The following ATP8A1 variants were observed in gnomAD, a reference collection of about 807,000 sequenced individuals.
ATP8A1 encodes the protein phospholipid-transporting ATPase IA.
ATP8A1 carries 90 observed loss-of-function variants against 177.7 expected under a neutral mutation model. That is an observed-to-expected ratio of 0.51 (90% CI 0.43 to 0.60). The LOEUF (loss-of-function observed/expected upper bound fraction) is 0.60. ATP8A1 is among the 20% of genes least tolerant of loss of function. The pLI, the probability that ATP8A1 is intolerant of heterozygous loss-of-function variation, is 0.00. For missense variants in ATP8A1, 1,072 were observed against 1,392.8 expected, an observed-to-expected ratio of 0.77 and a Z score of 3.67; for synonymous variants, 493 against 485.9, an observed-to-expected ratio of 1.01 and a Z score of -0.19.
At chr4:42,611,299 T>C (rs774625211) in intron 5 of ATP8A1, among the ~76,000 whole-genome samples, 11 of 152,228 alleles carry the variant, frequency 7.2e-5, no homozygotes, top group Non-Finnish European at 1.2e-4. Context: ...GCTATGTGTC[T>C]AGTTTAAAAG....
intron 33 of ATP8A1, among the ~76,000 whole-genome samples, chr4:42,441,246 A>G (rs1716609990): frequency 6.6e-6 from 1 of 152,180 alleles, no homozygotes; most frequent in South Asian, 2.1e-4. Flanking sequence ...TATTGCTATG[A>G]AAGTTAACAG....
intron 20 of ATP8A1, among the ~76,000 whole-genome samples, chr4:42,527,716 G>C (rs1342603234): frequency 6.6e-6 from 1 of 152,168 alleles, no homozygotes. Context: ...AATTGCCTGA[G>C]TTTTCAAATT....
intron 22 of ATP8A1, 117 bp downstream of exon 22, chr4:42,522,043 T>C: frequency 8.7e-7 from 1 of 1,154,122 alleles, no homozygotes; most frequent in Non-Finnish European, 1.2e-6. Context: ...GAGAGGGTAT[T>C]CAATAGTGAA....
At chr4:42,624,501 A>ATATAAAT (rs1737832685) in intron 4 of ATP8A1, 35 bp downstream of exon 4, 2 of 1,150,036 alleles carry the variant, frequency 1.7e-6, no homozygotes, top group Non-Finnish European at 2.4e-6. Context: ...TAAATAACAA[A>ATATAAAT]GTCACATACA....
At chr4:42,595,919 C>A (rs1039941062) in intron 6 of ATP8A1, among the ~76,000 whole-genome samples, 10 of 152,200 alleles carry the variant, frequency 6.6e-5, no homozygotes, top group African/African-American at 1.9e-4. Flanking sequence ...TTATATGGTA[C>A]CCCAGTGGCC....
At chr4:42,636,704 G>A (rs191360045) in intron 1 of ATP8A1, among the ~76,000 whole-genome samples, 42 of 152,164 alleles carry the variant, frequency 2.8e-4, no homozygotes, top group Admixed American at 2.4e-3. Flanking sequence ...TTCCAGCTCG[G>A]CATCTGCTTC....
intron 9 of ATP8A1, among the ~76,000 whole-genome samples, chr4:42,585,303 ACTT>A (rs1398568747): frequency 2.6e-5 from 4 of 151,574 alleles, no homozygotes; most frequent in Non-Finnish European, 4.4e-5. Flanking sequence ...CATAGTATAA[ACTT>A]CTTATTTATC....
chr4:42,492,777 T>G (rs1030703498), intron 24 of ATP8A1, among the ~76,000 whole-genome samples: 1 of 152,232 alleles, frequency 6.6e-6, no homozygotes, highest in Non-Finnish European at 1.5e-5. Flanking sequence ...AATAAGCATA[T>G]GATCGGAACT....
At chr4:42,542,081 T>C (rs1728445085) in intron 20 of ATP8A1, among the ~76,000 whole-genome samples, 1 of 131,676 alleles carries the variant, frequency 7.6e-6, no homozygotes, top group Non-Finnish European at 1.7e-5. Context: ...TGTACCACTC[T>C]GGTGGGGGAT....
At position 42,621,894 on chromosome 4, in the gene ATP8A1, T is replaced by C. The variant is rs536423377; in HGVS notation, c.363+2642A>G. ...TAGTAGGAGAACACACATAGACCAA[T>C]GGAACAGAATAGAGAACCCAGAAAT... On this transcript the variant is annotated intron_variant, in intron 4 of 36. Transcript: ENST00000381668. Among the ~76,000 whole-genome samples the C allele has an allele frequency of 2.6e-5, 4 of 152,074 alleles. 1 individual carries two copies. The highest frequency in any genetic ancestry group is 9.7e-5 in the African/African-American group (4 of 41,440).
chr4:42,564,446 A>C (rs2153216487), intron 15 of ATP8A1, among the ~76,000 whole-genome samples: 1 of 152,334 alleles, frequency 6.6e-6, no homozygotes, highest in East Asian at 1.9e-4. Flanking sequence ...GAGCTGCCCA[A>C]GGCAATGGGA....
chr4:42,644,889 G>GA (rs948291677), intron 1 of ATP8A1, among the ~76,000 whole-genome samples: 36 of 144,324 alleles, frequency 2.5e-4, no homozygotes, highest in African/African-American at 3.8e-4. Context: ...TATACTCCTT[G>GA]AAAAAAAAAA....
intron 5 of ATP8A1, among the ~76,000 whole-genome samples, chr4:42,602,904 C>T (rs997124662): frequency 6.6e-6 from 1 of 152,018 alleles, no homozygotes; most frequent in Non-Finnish European, 1.5e-5. Context: ...CTGTTCAAAT[C>T]AACTACACCC....
chr4:42,651,600 G>C (rs567141176), intron 1 of ATP8A1, among the ~76,000 whole-genome samples: 2 of 152,332 alleles, frequency 1.3e-5, no homozygotes, highest in African/African-American at 2.4e-5. Context: ...CCATTTCCCA[G>C]CTTGCCCTGC....
intron 20 of ATP8A1, among the ~76,000 whole-genome samples, chr4:42,539,252 G>C (rs73235599): frequency 0.13 from 20,298 of 151,962 alleles, 1,667 homozygotes; most frequent in East Asian, 0.26. Flanking sequence ...TTGGGACCTG[G>C]GGGGAGAGGA....
In ATP8A1 at chr4:42,419,366, T is replaced by A. The variant is rs61033633; in HGVS notation, c.3305+3441A>T. Among the ~76,000 whole-genome samples, 745 of 152,152 alleles carry A rather than the reference T, an allele frequency of 4.9e-3. 4 individuals carry two copies. Among genetic ancestry groups the A allele is most frequent in the African/African-American group, 0.017 (700 of 41,524 alleles). ...GAAGCTCAATCTAGTAGGGGGAAAA[T>A]AAAAACATACATAGAGTAAACTAAT... is the stretch of plus-strand genomic sequence containing the variant. On this transcript the variant is annotated intron_variant, in intron 35 of 36. Coordinates refer to ENST00000381668, the MANE Select transcript of ATP8A1 (RefSeq NM_006095.2).
At chr4:42,506,273 T>A (rs1317508668) in intron 23 of ATP8A1, among the ~76,000 whole-genome samples, 5 of 152,188 alleles carry the variant, frequency 3.3e-5, no homozygotes. Context: ...ATAGGACTGG[T>A]GCCCTTATAA....
At chr4:42,549,089 C>A in intron 18 of ATP8A1, 27 bp from the exon 19 acceptor site, 17 of 1,563,034 alleles carry the variant, frequency 1.1e-5, no homozygotes, top group Non-Finnish European at 1.5e-5. Context: ...TATATAATTA[C>A]ATACAGTTGG....
At chr4:42,633,654 A>AACT (rs1300588130) in intron 1 of ATP8A1, among the ~76,000 whole-genome samples, 1 of 152,224 alleles carries the variant, frequency 6.6e-6, no homozygotes, top group Non-Finnish European at 1.5e-5. Context: ...CATATAATAG[A>AACT]ACTAATAACA....
Sources: allele counts gnomAD v4.1 joint callset (sites outside exome capture counted in the v4.1 genomes callset), GRCh38; gene constraint gnomAD v4.1.1; transcripts MANE v1.5; gene names NCBI Gene and HGNC (gene_info 2026-07-23, HGNC 2026-07-21).